Variants in VTA1 observed in about 807,000 individuals in gnomAD.
VTA1 encodes vacuolar protein sorting-associated protein VTA1 homolog.
VTA1 carries 24 observed loss-of-function variants against 36.9 expected under a neutral mutation model. The observed-to-expected ratio is 0.65, with a 90% CI of 0.47 to 0.91. The LOEUF (loss-of-function observed/expected upper bound fraction) is 0.91. Ranked by LOEUF, VTA1 falls within the 40% of genes least tolerant of loss-of-function variation. VTA1 has a pLI of 0.00. For synonymous variants in VTA1, 142 were observed against 130.2 expected, an observed-to-expected ratio of 1.09 and a Z score of -0.62; for missense variants, 393 against 377.2, an observed-to-expected ratio of 1.04 and a Z score of -0.35.
intron 7 of VTA1, among the ~76,000 whole-genome samples, chr6:142,210,486 A>G (rs1360178486): frequency 6.6e-6 from 1 of 152,208 alleles, no homozygotes; most frequent in Non-Finnish European, 1.5e-5. Flanking sequence ...ACAAAGTGAA[A>G]AGACAACCCA....
At chr6:142,153,522 T>G (rs2045102143) in intron 1 of VTA1, among the ~76,000 whole-genome samples, 1 of 152,068 alleles carries the variant, frequency 6.6e-6, no homozygotes, top group South Asian at 2.1e-4. Context: ...TTTCCAAAAA[T>G]GATTCACTTC....
intron 1 of VTA1, among the ~76,000 whole-genome samples, chr6:142,154,866 G>A (rs910991872): frequency 1.3e-5 from 2 of 151,872 alleles, no homozygotes; most frequent in Admixed American, 6.6e-5. Flanking sequence ...TAGTAACAGC[G>A]TTACTCTGGT....
chr6:142,161,006 GTATT>G (rs1774794112), intron 1 of VTA1, among the ~76,000 whole-genome samples: 1 of 148,480 alleles, frequency 6.7e-6, no homozygotes, highest in Non-Finnish European at 1.5e-5. Context: ...AGTTCCAAAA[GTATT>G]TATTTAACGA....
chr6:142,193,057 A>T (rs900262652), intron 5 of VTA1, among the ~76,000 whole-genome samples: 1 of 152,104 alleles, frequency 6.6e-6, no homozygotes, highest in Non-Finnish European at 1.5e-5. Context: ...ATGCACATAG[A>T]TCACACGTTG....
chr6:142,162,284 A>G (rs1038713364), intron 1 of VTA1, among the ~76,000 whole-genome samples: 2 of 152,132 alleles, frequency 1.3e-5, no homozygotes, highest in African/African-American at 2.4e-5. Context: ...TTATTTCTCT[A>G]CTGTCTAGGT....
At chr6:142,191,267 A>G (rs1775450149) in intron 5 of VTA1, among the ~76,000 whole-genome samples, 1 of 152,082 alleles carries the variant, frequency 6.6e-6, no homozygotes, top group African/African-American at 2.4e-5. Context: ...TGTGAAACCA[A>G]CTAGCTGTTT....
chr6:142,205,378 T>A (rs1320539540), intron 7 of VTA1, among the ~76,000 whole-genome samples: 1 of 152,234 alleles, frequency 6.6e-6, no homozygotes, highest in Non-Finnish European at 1.5e-5. Context: ...GGAAGAATAG[T>A]TAATTATATA....
intron 4 of VTA1, among the ~76,000 whole-genome samples, chr6:142,179,027 A>G (rs1040390962): frequency 2.0e-5 from 3 of 152,266 alleles, no homozygotes; most frequent in African/African-American, 7.2e-5. Flanking sequence ...TCAGTTCATC[A>G]AGAAGACAAT....
chr6:142,160,990 G>A (rs1774793952), intron 1 of VTA1, among the ~76,000 whole-genome samples: 2 of 150,704 alleles, frequency 1.3e-5, no homozygotes, highest in Non-Finnish European at 2.9e-5. Context: ...TTGTTGTTAC[G>A]ACAGGAGTTC....
intron 4 of VTA1, 119 bp from the exon 5 acceptor site, chr6:142,189,307 T>C: frequency 1.4e-6 from 1 of 735,584 alleles, no homozygotes; most frequent in Non-Finnish European, 2.2e-6. Flanking sequence ...CAGTTTCTTT[T>C]AGAGCTGTAA....
Position 142,218,861 on chromosome 6 carries a change from G to T in VTA1, c.*218G>T. The T allele has an allele frequency of 2.3e-6, 1 of 440,760 alleles. No individual in the cohort carries two copies. Among genetic ancestry groups the T allele is most frequent in the Non-Finnish European group, 3.8e-6 (1 of 260,562 alleles). 27.3% of individuals were successfully genotyped at this position (440,760 alleles called of 1,614,324 possible). A position where few individuals can be genotyped will look rare whatever the true frequency, so the allele number is the denominator to read the frequency against. Reference sequence around the variant, plus strand: ...AGATTCAATCGTCTCTGAGTATATAGGGCTGATGTTAGCAAGACCCTAAAA... The same window carrying T: ...AGATTCAATCGTCTCTGAGTATATATGGCTGATGTTAGCAAGACCCTAAAA... On this transcript the variant is annotated 3_prime_UTR_variant, in exon 8 of 8. Transcript: ENST00000367630.
At chr6:142,200,818 T>A (rs1775670468) in intron 6 of VTA1, among the ~76,000 whole-genome samples, 1 of 151,944 alleles carries the variant, frequency 6.6e-6, no homozygotes, top group Non-Finnish European at 1.5e-5. Flanking sequence ...CTAAAAAACT[T>A]AGAACTTTTA....
In VTA1 at chr6:142,223,553, T is replaced by C. The variant is rs1403608454; in HGVS notation, c.*4910T>C. The C allele has an allele frequency of 1.3e-5, 2 of 152,194 alleles. No homozygotes were observed. The highest frequency in any genetic ancestry group is 2.4e-5 in the African/African-American group (1 of 41,454). 9.4% of individuals were successfully genotyped at this position (152,194 alleles called of 1,614,324 possible). A position where few individuals can be genotyped will look rare whatever the true frequency, so the allele number is the denominator to read the frequency against. On this transcript the variant is annotated 3_prime_UTR_variant, in exon 8 of 8. Coordinates refer to ENST00000367630, the MANE Select transcript of VTA1 (RefSeq NM_016485.5). ...GTCTTAGGCAAAAGCCCCTGTCTCT[T>C]ACTTCATATATCAAGTTTGGAGGGA...
chr6:142,157,996 A>G (rs225638), intron 1 of VTA1, among the ~76,000 whole-genome samples: 121,282 of 146,616 alleles, frequency 0.83, 50,911 homozygotes, highest in East Asian at 0.97. Flanking sequence ...TTAAATGGTA[A>G]TAGTACCCCC....
intron 1 of VTA1, among the ~76,000 whole-genome samples, chr6:142,160,574 T>G (rs1404623334): frequency 6.6e-6 from 1 of 152,090 alleles, no homozygotes; most frequent in Non-Finnish European, 1.5e-5. Context: ...GAGGACTGTT[T>G]TCTGCTTGGG....
At chr6:142,178,937 A>G (rs938280028) in intron 4 of VTA1, among the ~76,000 whole-genome samples, 2 of 152,160 alleles carry the variant, frequency 1.3e-5, no homozygotes, top group African/African-American at 4.8e-5. Flanking sequence ...AAGTAAATAG[A>G]ATCTCAAGTG....
chr6:142,159,031 A>G (rs574445655), intron 1 of VTA1, among the ~76,000 whole-genome samples: 21 of 152,250 alleles, frequency 1.4e-4, no homozygotes, highest in Admixed American at 1.1e-3. Context: ...TGCGACATAA[A>G]TATCATTTTC....
chr6:142,181,455 T>TTATATATACATATATATATA (rs1554219880), intron 4 of VTA1, among the ~76,000 whole-genome samples: 6 of 143,644 alleles, frequency 4.2e-5, no homozygotes, highest in African/African-American at 1.3e-4. Flanking sequence ...TTTTTATATT[T>TTATATATACATATATATATA]TATATATATA....
At chr6:142,177,586 C>T (rs1775150295) in intron 4 of VTA1, among the ~76,000 whole-genome samples, 1 of 152,000 alleles carries the variant, frequency 6.6e-6, no homozygotes, top group South Asian at 2.1e-4. Context: ...AGATTAAAAA[C>T]TTGAGTTTTC....
Sources: gnomAD v4.1 joint callset for allele counts (sites outside exome capture counted in the v4.1 genomes callset) on GRCh38, gnomAD v4.1.1 for gene constraint, MANE v1.5 for transcripts, NCBI Gene and HGNC (gene_info 2026-07-23, HGNC 2026-07-21) for gene names.